Variants in DPP10 observed in about 807,000 individuals in gnomAD.
DPP10 encodes the protein inactive dipeptidyl peptidase 10.
DPP10 carries 33 observed loss-of-function variants against 120.9 expected under a neutral mutation model. The ratio of observed to expected loss-of-function variants is 0.27; its 90% CI spans 0.21 to 0.37. The LOEUF (loss-of-function observed/expected upper bound fraction) is 0.37, where lower values mean the gene tolerates loss of function less well. Among genes scored for constraint, DPP10 ranks in the 10% least tolerant of loss-of-function variants. The pLI is 1.00. For synonymous variants in DPP10, 337 were observed against 326.1 expected (o/e 1.03, Z -0.36); for missense variants, 816 against 942.8 (o/e 0.87, Z 1.76).
At chr2:114,673,628 G>C (rs1190340048) in intron 1 of DPP10, among the ~76,000 whole-genome samples, 2 of 151,830 alleles carry the variant, frequency 1.3e-5, no homozygotes, top group African/African-American at 2.4e-5. Context: ...GCTAATTTTT[G>C]TATTTTTAGT....
intron 1 of DPP10, among the ~76,000 whole-genome samples, chr2:114,449,683 G>A (rs1399687139): frequency 6.6e-6 from 1 of 151,940 alleles, no homozygotes. Flanking sequence ...CTAACAGAAG[G>A]GCAATAAACT....
chr2:114,789,111 T>G (rs1402043251), intron 1 of DPP10, among the ~76,000 whole-genome samples: 4 of 152,208 alleles, frequency 2.6e-5, no homozygotes, highest in Non-Finnish European at 5.9e-5. Context: ...AGAGACATTC[T>G]GGAAATACTG....
chr2:114,811,160 A>G (rs750024806), intron 1 of DPP10, among the ~76,000 whole-genome samples: 4 of 152,178 alleles, frequency 2.6e-5, no homozygotes, highest in Non-Finnish European at 4.4e-5. Context: ...TCTCCTCCCA[A>G]TAAAAACAGC....
intron 1 of DPP10, among the ~76,000 whole-genome samples, chr2:115,138,891 G>A (rs1167314951): frequency 2.6e-5 from 4 of 152,102 alleles, no homozygotes; most frequent in Non-Finnish European, 5.9e-5. Flanking sequence ...TTGATTCACA[G>A]TCTGTAGTAA....
chr2:115,365,872 G>C (rs2065049091), intron 3 of DPP10, among the ~76,000 whole-genome samples: 1 of 151,976 alleles, frequency 6.6e-6, no homozygotes, highest in South Asian at 2.1e-4. Flanking sequence ...ACTATGGTTT[G>C]TCTCAAGGTC....
intron 1 of DPP10, chr2:115,161,295 G>A (rs1410145244): frequency 1.3e-5 from 2 of 152,470 alleles, no homozygotes; most frequent in Non-Finnish European, 2.9e-5. Context: ...CCGGTCCCCG[G>A]GCTGCCCCCT....
intron 1 of DPP10, among the ~76,000 whole-genome samples, chr2:114,637,958 G>A (rs1288160508): frequency 6.6e-6 from 1 of 151,726 alleles, no homozygotes; most frequent in East Asian, 1.9e-4. Flanking sequence ...GGAATACTTT[G>A]GCTATTCAGG....
At chr2:114,618,722 A>G (rs1693859601) in intron 1 of DPP10, among the ~76,000 whole-genome samples, 1 of 152,088 alleles carries the variant, frequency 6.6e-6, no homozygotes. Context: ...ATGGAAGACT[A>G]CATTTTTCAA....
chr2:115,043,372 A>G (rs1389729974), intron 1 of DPP10, among the ~76,000 whole-genome samples: 2 of 152,238 alleles, frequency 1.3e-5, no homozygotes, highest in Non-Finnish European at 2.9e-5. Context: ...TCTCAAAATT[A>G]GAGAGAGACC....
intron 1 of DPP10, among the ~76,000 whole-genome samples, chr2:114,917,520 CA>C (rs200833213): frequency 4.7e-5 from 7 of 150,390 alleles, no homozygotes; most frequent in African/African-American, 7.3e-5. Flanking sequence ...ATCCTCAGCA[CA>C]AAAAAAAAGC....
intron 1 of DPP10, among the ~76,000 whole-genome samples, chr2:114,506,414 A>G (rs1483293091): frequency 6.6e-6 from 1 of 152,050 alleles, no homozygotes; most frequent in Non-Finnish European, 1.5e-5. Context: ...ACCATCTCCA[A>G]TTTGTTCCTG....
At chr2:114,748,366 A>T (rs972520205) in intron 1 of DPP10, among the ~76,000 whole-genome samples, 10,507 of 71,394 alleles carry the variant, frequency 0.15, 776 homozygotes, top group African/African-American at 0.28. Flanking sequence ...TTTTTATTTT[A>T]TTTATTTATT....
At chr2:115,102,069 G>A in intron 1 of DPP10, among the ~76,000 whole-genome samples, 1 of 152,192 alleles carries the variant, frequency 6.6e-6, no homozygotes, top group East Asian at 1.9e-4. Context: ...TAAACTGAGT[G>A]ACTTACACAA....
chr2:115,730,270 T>C (rs2092872570), intron 8 of DPP10, among the ~76,000 whole-genome samples: 1 of 152,108 alleles, frequency 6.6e-6, no homozygotes, highest in African/African-American at 2.4e-5. Flanking sequence ...CTAAAATTGA[T>C]GAGACAATGA....
Position 114,848,047 on chromosome 2 carries a change from C to T in DPP10, c.60+405209C>T, listed in dbSNP as rs148494017. Among the ~76,000 whole-genome samples, 16 of 152,236 alleles carry T rather than the reference C, an allele frequency of 1.1e-4. No individual in the cohort carries two copies. The East Asian group carries it at 3.1e-3, about 30-fold the overall frequency. On this transcript the variant is annotated intron_variant, in intron 1 of 25. Transcript: ENST00000410059. ...GTTTTATATGTCTGGAATTCTAAAG[C>T]CCTAAGGGGTCAAGGAATATGGCCT...
At chr2:114,482,024 A>C (rs1681103304) in intron 1 of DPP10, among the ~76,000 whole-genome samples, 1 of 151,954 alleles carries the variant, frequency 6.6e-6, no homozygotes, top group African/African-American at 2.4e-5. Context: ...CCTAGGGGAA[A>C]CTGCCACTTT....
intron 1 of DPP10, among the ~76,000 whole-genome samples, chr2:114,922,364 G>T (rs1237629209): frequency 2.6e-5 from 4 of 152,310 alleles, no homozygotes; most frequent in African/African-American, 9.6e-5. Context: ...TCAGGCTGGA[G>T]TCCAATGGCA....
chr2:115,630,696 T>C (rs1056382065), intron 5 of DPP10, among the ~76,000 whole-genome samples: 2 of 152,236 alleles, frequency 1.3e-5, no homozygotes, highest in Admixed American at 1.3e-4. Flanking sequence ...GTTTATGTGA[T>C]GAATTACATT....
At chr2:114,782,714 T>C (rs553207416) in intron 1 of DPP10, among the ~76,000 whole-genome samples, 34 of 152,268 alleles carry the variant, frequency 2.2e-4, no homozygotes, top group African/African-American at 7.9e-4. Flanking sequence ...ATAGTGACTA[T>C]AGTTGCATTT....
Sources: gnomAD v4.1 joint callset for allele counts (sites outside exome capture counted in the v4.1 genomes callset) on GRCh38, gnomAD v4.1.1 for gene constraint, MANE v1.5 for transcripts, NCBI Gene and HGNC (gene_info 2026-07-23, HGNC 2026-07-21) for gene names.